The following DCDC1 variants were observed in gnomAD, a reference collection of about 807,000 sequenced individuals.
DCDC1 encodes the protein doublecortin domain containing 1, also known as doublecortin domain-containing protein 1.
A neutral mutation model predicts 178.3 loss-of-function variants in DCDC1; 200 were observed. The ratio of observed to expected loss-of-function variants is 1.12; its 90% CI spans 1.00 to 1.26. The LOEUF is 1.26. Ranked by LOEUF, DCDC1 falls within the 50% of genes most tolerant of loss-of-function variation. The probability of loss-of-function intolerance (pLI) is 0.00; values close to 1 mark genes in which losing one functional copy is unlikely to be tolerated. For synonymous variants in DCDC1, 690 were observed against 604.8 expected (o/e 1.14, Z -2.07); for missense variants, 1,983 against 1,749.2 (o/e 1.13, Z -2.38).
intron 9 of DCDC1, among the ~76,000 whole-genome samples, chr11:31,176,125 A>G (rs1036536891): frequency 6.6e-6 from 1 of 152,232 alleles, no homozygotes; most frequent in Non-Finnish European, 1.5e-5. Context: ...AGCAAGATAC[A>G]GCAGAAAACA....
rs567195846 is a variant in DCDC1 at position 31,224,628 on chromosome 11, C to T, written c.1221+16822G>A. Among the ~76,000 whole-genome samples, 4 of 152,116 alleles carry T rather than the reference C, an allele frequency of 2.6e-5. No individual in the cohort carries two copies. In the South Asian group the frequency reaches 8.3e-4, roughly 32 times the overall value. On this transcript the variant is annotated intron_variant, in intron 9 of 38. Transcript: ENST00000684477. ...ATGCAGCAGACAAAAAACTAATATCCAGAATCTACATGGAACTCAAACAAA... is the reference window on the plus strand; with the variant it reads ...ATGCAGCAGACAAAAAACTAATATCTAGAATCTACATGGAACTCAAACAAA...
At chr11:30,912,611 A>C (rs1425476406) in intron 27 of DCDC1, among the ~76,000 whole-genome samples, 1 of 152,178 alleles carries the variant, frequency 6.6e-6, no homozygotes, top group African/African-American at 2.4e-5. Context: ...TATAAGTAAC[A>C]GAAACTAGAC....
chr11:30,871,033 GTCCCTGACA>G (rs1941500990), intron 38 of DCDC1, among the ~76,000 whole-genome samples: 1 of 152,180 alleles, frequency 6.6e-6, no homozygotes, highest in Non-Finnish European at 1.5e-5. Flanking sequence ...TGCATCATGT[GTCCCTGACA>G]TCCTAATCTA....
chr11:31,007,886 C>T (rs1951946479), intron 20 of DCDC1, among the ~76,000 whole-genome samples: 1 of 152,072 alleles, frequency 6.6e-6, no homozygotes, highest in South Asian at 2.1e-4. Flanking sequence ...TGGTCTTGAA[C>T]CCCTGACCTC....
At chr11:31,148,573 CCTT>C (rs1373016942) in intron 9 of DCDC1, among the ~76,000 whole-genome samples, 1 of 151,770 alleles carries the variant, frequency 6.6e-6, no homozygotes, top group Non-Finnish European at 1.5e-5. Flanking sequence ...TGGAGAATTC[CCTT>C]TTTTGTCCTT....
chr11:31,197,572 T>C (rs1008038014), intron 9 of DCDC1, among the ~76,000 whole-genome samples: 11 of 152,090 alleles, frequency 7.2e-5, no homozygotes, highest in African/African-American at 2.7e-4. Context: ...TGTGCCAGTA[T>C]TCAGACACAG....
At chr11:31,241,857 G>A in intron 8 of DCDC1, 1 of 291,358 alleles carries the variant, frequency 3.4e-6, no homozygotes, top group East Asian at 5.8e-5. Context: ...TAGTTCTGAA[G>A]TGTGCCTAAC....
intron 20 of DCDC1, among the ~76,000 whole-genome samples, chr11:30,990,952 G>C (rs993994203): frequency 1.2e-4 from 19 of 152,262 alleles, no homozygotes; most frequent in African/African-American, 4.3e-4. Context: ...AAATAATTTT[G>C]GGGTGGGAAG....
intron 9 of DCDC1, among the ~76,000 whole-genome samples, chr11:31,194,193 C>G (rs887261634): frequency 1.8e-4 from 27 of 152,102 alleles, no homozygotes; most frequent in Non-Finnish European, 1.2e-4. Flanking sequence ...GCCCTTGCTT[C>G]TGATTCAGTG....
At chr11:31,227,569 C>G (rs1975159652) in intron 9 of DCDC1, among the ~76,000 whole-genome samples, 1 of 151,690 alleles carries the variant, frequency 6.6e-6, no homozygotes, top group Non-Finnish European at 1.5e-5. Context: ...CTTATTTTAT[C>G]CAAAATAAAG....
At chr11:31,342,738 T>A (rs1179487958) in intron 1 of DCDC1, among the ~76,000 whole-genome samples, 1 of 152,172 alleles carries the variant, frequency 6.6e-6, no homozygotes, top group Admixed American at 6.5e-5. Flanking sequence ...CAAAAGTATA[T>A]GATTAAAGAG....
chr11:31,220,628 A>G (rs958617095), intron 9 of DCDC1, among the ~76,000 whole-genome samples: 17 of 152,350 alleles, frequency 1.1e-4, no homozygotes, highest in African/African-American at 4.1e-4. Context: ...TTTATGTAAG[A>G]CAAATCAACT....
At chr11:30,963,963 C>T (rs973906715) in intron 20 of DCDC1, among the ~76,000 whole-genome samples, 3 of 152,102 alleles carry the variant, frequency 2.0e-5, no homozygotes, top group Non-Finnish European at 2.9e-5. Context: ...TTGCTGTTTT[C>T]GTAAATTCTT....
chr11:30,971,614 T>G (rs898080093), intron 20 of DCDC1, among the ~76,000 whole-genome samples: 9 of 140,148 alleles, frequency 6.4e-5, no homozygotes, highest in East Asian at 4.1e-4. Context: ...TTTTTTTTTT[T>G]TTTTTTTTTT....
intron 8 of DCDC1, among the ~76,000 whole-genome samples, chr11:31,264,774 A>G (rs993828563): frequency 1.3e-5 from 2 of 152,174 alleles, no homozygotes; most frequent in African/African-American, 4.8e-5. Context: ...CAAGGGATAC[A>G]TACTTTGAGG....
chr11:31,163,486 C>T (rs550835202), intron 9 of DCDC1, among the ~76,000 whole-genome samples: 1 of 152,148 alleles, frequency 6.6e-6, no homozygotes, highest in East Asian at 1.9e-4. Context: ...TGATGCTAAT[C>T]TAAGAGTTTG....
At chr11:30,950,914 T>G (rs1387198799) in intron 21 of DCDC1, among the ~76,000 whole-genome samples, 2 of 152,098 alleles carry the variant, frequency 1.3e-5, no homozygotes, top group African/African-American at 4.8e-5. Context: ...ATACTCTAAT[T>G]ACTCTGATTT....
At chr11:31,218,952 T>C (rs1007455769) in intron 9 of DCDC1, among the ~76,000 whole-genome samples, 12 of 152,204 alleles carry the variant, frequency 7.9e-5, no homozygotes, top group Admixed American at 2.6e-4. Context: ...TGCTTTAAAG[T>C]AATGAGGCTG....
At chr11:30,892,721 G>T in intron 36 of DCDC1, 97 bp downstream of exon 36, 1 of 1,400,822 alleles carries the variant, frequency 7.1e-7, no homozygotes, top group Non-Finnish European at 9.9e-7. Context: ...AGAAAATGAG[G>T]TTCATAGAAG....
Sources: gnomAD v4.1 joint callset for allele counts (sites outside exome capture counted in the v4.1 genomes callset) on GRCh38, gnomAD v4.1.1 for gene constraint, MANE v1.5 for transcripts, NCBI Gene and HGNC (gene_info 2026-07-23, HGNC 2026-07-21) for gene names.